Variants in ROBO2 observed in about 807,000 individuals in gnomAD.
ROBO2 encodes roundabout homolog 2.
Under a neutral mutation model 160.8 loss-of-function variants are expected in ROBO2, and 53 were observed. The observed-to-expected ratio is 0.33, with a 90% CI of 0.26 to 0.41. ROBO2 has a LOEUF of 0.41. Among genes scored for constraint, ROBO2 ranks in the 10% least tolerant of loss-of-function variants. ROBO2 has a pLI of 1.00. For synonymous variants in ROBO2, 664 were observed against 611.7 expected, an observed-to-expected ratio of 1.09 and a Z score of -1.26; for missense variants, 1,577 against 1,722.4, an observed-to-expected ratio of 0.92 and a Z score of 1.49.
At chr3:76,625,660 A>G (rs2089585536) in intron 2 of ROBO2, among the ~76,000 whole-genome samples, 1 of 152,212 alleles carries the variant, frequency 6.6e-6, no homozygotes, top group African/African-American at 2.4e-5. Context: ...TGGCAGAGCA[A>G]AAGCTCCAGA....
intron 2 of ROBO2, among the ~76,000 whole-genome samples, chr3:76,337,922 T>G (rs577388185): frequency 6.0e-4 from 91 of 152,278 alleles, no homozygotes; most frequent in Middle Eastern, 3.4e-3. Flanking sequence ...TTTGATTTAT[T>G]ATTGAAACCC....
At chr3:77,074,917 A>G (rs931833585) in intron 1 of ROBO2, among the ~76,000 whole-genome samples, 1 of 152,212 alleles carries the variant, frequency 6.6e-6, no homozygotes, top group Non-Finnish European at 1.5e-5. Flanking sequence ...ATAGTCTTGA[A>G]AAGAAAGACC....
chr3:76,628,093 C>A (rs1437651107), intron 2 of ROBO2, among the ~76,000 whole-genome samples: 1 of 152,210 alleles, frequency 6.6e-6, no homozygotes, highest in Non-Finnish European at 1.5e-5. Flanking sequence ...TTTGAGTTCT[C>A]ATGCCAGAAT....
intron 2 of ROBO2, among the ~76,000 whole-genome samples, chr3:77,428,600 C>T (rs2078459923): frequency 1.3e-5 from 2 of 151,840 alleles, no homozygotes; most frequent in Non-Finnish European, 2.9e-5. Context: ...TCATGATCCA[C>T]CCGCCTCGGC....
At chr3:77,521,467 G>T (rs576224287) in intron 5 of ROBO2, among the ~76,000 whole-genome samples, 1 of 151,136 alleles carries the variant, frequency 6.6e-6, no homozygotes, top group African/African-American at 2.4e-5. Flanking sequence ...GCAGTAATTC[G>T]ATTTTTATAG....
At chr3:77,310,453 T>C (rs1435598157) in intron 2 of ROBO2, among the ~76,000 whole-genome samples, 3 of 152,178 alleles carry the variant, frequency 2.0e-5, no homozygotes, top group Non-Finnish European at 4.4e-5. Flanking sequence ...GCAATGGATC[T>C]AATTCTGTTT....
intron 2 of ROBO2, among the ~76,000 whole-genome samples, chr3:77,435,684 A>G (rs1382525523): frequency 1.3e-5 from 2 of 151,874 alleles, no homozygotes; most frequent in East Asian, 1.9e-4. Context: ...GGAATGATAT[A>G]TTGATTCCAT....
rs527780427 is a variant in ROBO2 at position 76,255,098 on chromosome 3, A to G, written c.109+317496A>G. Among the ~76,000 whole-genome samples the G allele has an allele frequency of 2.0e-5, 3 of 152,208 alleles. No homozygotes were observed. The East Asian group carries it at 5.8e-4, about 30-fold the overall frequency. On this transcript the variant is annotated intron_variant, in intron 2 of 26. Transcript: ENST00000487694. The stretch of plus-strand genomic sequence containing the variant: ...ATTAGGATAAGAAGTTGGAGAGAGG[A>G]TCAAATTTGAGAAAAGTCATTGTGC...
At chr3:76,413,148 A>C (rs973336497) in intron 2 of ROBO2, among the ~76,000 whole-genome samples, 6 of 152,188 alleles carry the variant, frequency 3.9e-5, no homozygotes, top group African/African-American at 1.4e-4. Context: ...AACACAGGGC[A>C]CTGAGTCCGT....
intron 9 of ROBO2, among the ~76,000 whole-genome samples, chr3:77,559,313 C>T (rs2093241337): frequency 6.6e-6 from 1 of 152,094 alleles, no homozygotes; most frequent in African/African-American, 2.4e-5. Context: ...AGGATGTTAT[C>T]ATGGAGGGCA....
intron 2 of ROBO2, among the ~76,000 whole-genome samples, chr3:76,928,068 G>C (rs150165027): frequency 6.6e-5 from 10 of 152,198 alleles, no homozygotes; most frequent in Admixed American, 5.2e-4. Context: ...GAGCAATTAA[G>C]GTTACAAATA....
At chr3:77,339,532 A>C (rs1226529116) in intron 2 of ROBO2, among the ~76,000 whole-genome samples, 3 of 152,102 alleles carry the variant, frequency 2.0e-5, no homozygotes, top group African/African-American at 7.2e-5. Flanking sequence ...AGTGTCCCTA[A>C]AAATGCAAGA....
At chr3:76,350,890 A>G (rs1349699238) in intron 2 of ROBO2, among the ~76,000 whole-genome samples, 1 of 151,968 alleles carries the variant, frequency 6.6e-6, no homozygotes, top group Non-Finnish European at 1.5e-5. Context: ...TAACATTCCT[A>G]GTCTGCTCAT....
At chr3:76,910,725 C>CAAAAA (rs10662303) in intron 2 of ROBO2, among the ~76,000 whole-genome samples, 8 of 35,496 alleles carry the variant, frequency 2.3e-4, no homozygotes, top group African/African-American at 2.6e-4. Flanking sequence ...AACTCTGTCT[C>CAAAAA]AAAAAAAAAA....
chr3:77,563,347 C>A lies in ROBO2; in HGVS notation c.1682+18C>A. On this transcript the variant is annotated intron_variant, in intron 11 of 25. Transcript: ENST00000461745. The stretch of plus-strand genomic sequence containing the variant: ...GCTTTCAGGTATGGGACAATTCCTT[C>A]TTTCTCCACTGGGTTTTGTCTTAGC... 6.2e-7 allele frequency: 1 copy of A among 1,612,508 alleles called. No individual in the cohort carries two copies. Among genetic ancestry groups the A allele is most frequent in the Non-Finnish European group, 8.5e-7 (1 of 1,178,806 alleles).
Position 76,497,849 on chromosome 3 carries a change from C to A in ROBO2, c.109+560247C>A, listed in dbSNP as rs147319316. On this transcript the variant is annotated intron_variant, in intron 2 of 26. Transcript: ENST00000487694. ...CTGCCAGCATTCCCAGCATTCCCAGCATTCCCAGCATTTCCAGCATTCCCA... is the reference window on the plus strand; with the variant it reads ...CTGCCAGCATTCCCAGCATTCCCAGAATTCCCAGCATTTCCAGCATTCCCA... Among the ~76,000 whole-genome samples the A allele has an allele frequency of 2.0e-3, 311 of 152,218 alleles. 3 individuals carry two copies. Among genetic ancestry groups the A allele is most frequent in the South Asian group, 8.7e-3 (42 of 4,810 alleles).
At chr3:75,935,338 G>C (rs1418099089) in intron 1 of ROBO2, among the ~76,000 whole-genome samples, 1 of 152,000 alleles carries the variant, frequency 6.6e-6, no homozygotes, top group Non-Finnish European at 1.5e-5. Context: ...AAGCAACATA[G>C]TGGGACCCTA....
chr3:76,798,278 A>AAGAAAG (rs2063905352), intron 2 of ROBO2, among the ~76,000 whole-genome samples: 1 of 149,010 alleles, frequency 6.7e-6, no homozygotes, highest in Non-Finnish European at 1.5e-5. Flanking sequence ...GAAAGAAAGA[A>AAGAAAG]AGAAAGAAAG....
intron 2 of ROBO2, among the ~76,000 whole-genome samples, chr3:77,365,521 T>A (rs1387084777): frequency 6.6e-6 from 1 of 152,172 alleles, no homozygotes; most frequent in African/African-American, 2.4e-5. Context: ...AGCGATAGTA[T>A]ACCCTTGTCT....
Sources: allele counts gnomAD v4.1 joint callset (sites outside exome capture counted in the v4.1 genomes callset), GRCh38; gene constraint gnomAD v4.1.1; transcripts MANE v1.5; gene names NCBI Gene and HGNC (gene_info 2026-07-23, HGNC 2026-07-21).